The following USP35 variants were observed in gnomAD, a reference collection of about 807,000 sequenced individuals.
USP35 encodes the protein ubiquitin carboxyl-terminal hydrolase 35.
USP35 carries 69 observed loss-of-function variants against 83.8 expected under a neutral mutation model. The observed-to-expected ratio is 0.82, with a 90% CI of 0.68 to 1.01. The LOEUF (loss-of-function observed/expected upper bound fraction) is 1.01. Among genes scored for constraint, USP35 ranks in the 50% least tolerant of loss-of-function variants. The pLI is 0.00. For synonymous variants in USP35, 714 were observed against 589.5 expected, an observed-to-expected ratio of 1.21 and a Z score of -3.06; for missense variants, 1,503 against 1,362.5, an observed-to-expected ratio of 1.10 and a Z score of -1.62.
the USP35 span, chr11:78,232,017 A>G: frequency 6.6e-6 from 1 of 152,222 alleles, no homozygotes; most frequent in East Asian, 1.9e-4. Flanking sequence ...AGATGAGGCA[A>G]TCTTTGTATC....
In USP35 at chr11:78,198,045, G is replaced by A. The variant is rs374971659; in HGVS notation, c.783G>A (p.Ser261=). Residue 261 remains serine, a synonymous_variant, in exon 3 of 11, where the codon TCG becomes TCA. Transcript: ENST00000529308. ...NLSNDDSVTD[S]QMLTAISRMI... ...GCAATGATGACAGTGTGACAGACTC[G>A]CAGATGCTGACTGCCATTAGCAGGT... The A allele has an allele frequency of 1.5e-5, 25 of 1,614,076 alleles. No individual in the cohort carries two copies. Among genetic ancestry groups the A allele is most frequent in the Admixed American group, 5.0e-5 (3 of 60,004 alleles).
chr11:78,198,291 A>C (rs1032455011), intron 3 of USP35, among the ~76,000 whole-genome samples: 6 of 152,210 alleles, frequency 3.9e-5, no homozygotes, highest in African/African-American at 1.4e-4. Flanking sequence ...CTGTCAGGCC[A>C]GGTACCAGCA....
the USP35 span, among the ~76,000 whole-genome samples, chr11:78,232,517 T>G: frequency 2.0e-5 from 3 of 152,216 alleles, no homozygotes; most frequent in Admixed American, 2.0e-4. Context: ...AGTTCAAAAC[T>G]CTTTCCGTTG....
chr11:78,221,843 C>A, the USP35 span: 1 of 1,148,650 alleles, frequency 8.7e-7, no homozygotes, highest in South Asian at 1.3e-5. Context: ...TTTCTAGCCT[C>A]CAGCTGGGCC....
the USP35 span, chr11:78,223,358 G>T: frequency 7.1e-7 from 1 of 1,413,616 alleles, no homozygotes; most frequent in Non-Finnish European, 9.4e-7. Flanking sequence ...TAAGCAAATG[G>T]AAAGAGTCCC....
intron 6 of USP35, among the ~76,000 whole-genome samples, chr11:78,202,664 C>G (rs574248732): frequency 6.6e-6 from 1 of 152,330 alleles, no homozygotes; most frequent in South Asian, 2.1e-4. Context: ...GTTTTTCAAA[C>G]TTAACACGAG....
chr11:78,198,717 A>AGGTAAGTTGC (rs1207207059), intron 3 of USP35: 13 of 984,878 alleles, frequency 1.3e-5, no homozygotes, highest in African/African-American at 1.7e-5. Context: ...TGGGCTCTCG[A>AGGTAAGTTGC]GGTAAGTTGC....
the USP35 span, among the ~76,000 whole-genome samples, chr11:78,221,127 T>C: frequency 1.3e-5 from 2 of 152,236 alleles, no homozygotes; most frequent in African/African-American, 2.4e-5. Context: ...GGAAGTCTTA[T>C]TCTAATGAGA....
the USP35 span, chr11:78,223,273 TAAG>T: frequency 1.6e-6 from 1 of 638,178 alleles, no homozygotes. Context: ...ATTTCACAGA[TAAG>T]AAAACTGAGA....
the USP35 span, among the ~76,000 whole-genome samples, chr11:78,236,952 T>C: frequency 6.6e-6 from 1 of 152,228 alleles, no homozygotes; most frequent in South Asian, 2.1e-4. Flanking sequence ...GCTAATCCTT[T>C]GTTTTTAAAG....
In USP35 at chr11:78,214,891, T is replaced by G. The variant is rs1005890353; in HGVS notation, c.*1078T>G. Among the ~76,000 whole-genome samples, 16 of 150,366 alleles carry G rather than the reference T, an allele frequency of 1.1e-4. No homozygotes were observed. The highest frequency in any genetic ancestry group is 3.8e-4 in the African/African-American group (15 of 39,836). On this transcript the variant is annotated 3_prime_UTR_variant, in exon 11 of 11. Coordinates refer to ENST00000529308, the MANE Select transcript of USP35 (RefSeq NM_020798.4). The stretch of plus-strand genomic sequence containing the variant: ...AAACGTGTGGACTGACTGACTTACT[T>G]ACCTTACTGAGGGCTGGGTGATGCT...
In USP35 at chr11:78,196,420, C is replaced by T. The variant is rs764281675; in HGVS notation, c.175C>T (p.Arg59Cys). 3.7e-5 allele frequency: 48 copies of T among 1,294,522 alleles called. 1 individual carries two copies. In the African/African-American group the frequency reaches 6.7e-4, roughly 18 times the overall value. The allele number at this position is 1,294,522 out of a possible 1,614,324, so 80.2% of individuals were successfully genotyped here. ...YVGGAEELPR[R>C]VGCQLLHVAG... Reference sequence around the variant, plus strand: ...GGGCGGCGCGGAGGAGCTGCCGCGCCGCGTGGGCTGCCAGCTGCTGCACGT... The same window carrying T: ...GGGCGGCGCGGAGGAGCTGCCGCGCTGCGTGGGCTGCCAGCTGCTGCACGT... The change falls in exon 2 of 11, where the codon CGC becomes TGC. Residue 59 changes from arginine to cysteine, a missense_variant. Arg to Cys is a radical substitution (Grantham distance 180, BLOSUM62 -3). Transcript: ENST00000529308. This position sits in a 1 kb window ranked among gnomAD's most constrained non-coding sequence, Gnocchi z 4.8.
At chr11:78,191,805 G>A (rs1035756982) in intron 1 of USP35, among the ~76,000 whole-genome samples, 1 of 151,768 alleles carries the variant, frequency 6.6e-6, no homozygotes, top group Middle Eastern at 3.4e-3. Flanking sequence ...AGTGCCAGGT[G>A]GCCCAAAAAT....
Position 78,207,511 on chromosome 11 carries a change from C to A in USP35, c.1392-19C>A, listed in dbSNP as rs1226308874. On this transcript the variant is annotated intron_variant, in intron 7 of 10. Coordinates refer to ENST00000529308, the MANE Select transcript of USP35 (RefSeq NM_020798.4). ...GGGGGCCCATGGCTTACCCTGGGTGCCCCTGCTTTGTTTTGAAGCTTCAGA... is the reference window on the plus strand; with the variant it reads ...GGGGGCCCATGGCTTACCCTGGGTGACCCTGCTTTGTTTTGAAGCTTCAGA... The A allele has an allele frequency of 6.2e-7, 1 of 1,613,158 alleles. No individual in the cohort carries two copies. The highest frequency in any genetic ancestry group is 8.5e-7 in the Non-Finnish European group (1 of 1,179,684).
In USP35 at chr11:78,210,757, G is replaced by T. The variant is rs370176522; in HGVS notation, c.2889+13G>T. On this transcript the variant is annotated intron_variant, in intron 10 of 10. Transcript: ENST00000529308. Reference sequence around the variant, plus strand: ...CCTTTACCTACAGGTGAGCTGAGCCGTGGGGCCTTTGATCTGATCTCTTGG... The same window carrying T: ...CCTTTACCTACAGGTGAGCTGAGCCTTGGGGCCTTTGATCTGATCTCTTGG... 1 of 1,521,364 alleles carries T rather than the reference G, an allele frequency of 6.6e-7. No individual in the cohort carries two copies. Among genetic ancestry groups the T allele is most frequent in the African/African-American group, 1.4e-5 (1 of 72,230 alleles). The allele number at this position is 1,521,364 out of a possible 1,614,324, so 94.2% of individuals were successfully genotyped here.
At chr11:78,213,169 G>A (rs1590921581) in intron 10 of USP35, among the ~76,000 whole-genome samples, 1 of 152,260 alleles carries the variant, frequency 6.6e-6, no homozygotes, top group African/African-American at 2.4e-5. Context: ...AGCCCAGGGA[G>A]GGGCCTGAGG....
intron 8 of USP35, 139 bp from the exon 9 acceptor site, chr11:78,208,718 A>G: frequency 2.3e-6 from 2 of 885,000 alleles, no homozygotes; most frequent in Non-Finnish European, 3.6e-6. Context: ...GACAATAGAA[A>G]AGCGGGGAGG....
chr11:78,233,357 C>A, the USP35 span, among the ~76,000 whole-genome samples: 3 of 152,110 alleles, frequency 2.0e-5, no homozygotes, highest in Admixed American at 1.3e-4. Context: ...TTATTTTAGC[C>A]CTTCCAGCAG....
intron 3 of USP35, chr11:78,199,283 T>C (rs1173870952): frequency 3.0e-6 from 1 of 334,134 alleles, no homozygotes; most frequent in Non-Finnish European, 5.7e-6. Context: ...CCAGGGGCAG[T>C]GCCCTTCCAG....
Sources: gnomAD v4.1 joint callset for allele counts (sites outside exome capture counted in the v4.1 genomes callset) on GRCh38, gnomAD v4.1.1 for gene constraint, Gnocchi (gnomAD v3.1) non-coding constraint, MANE v1.5 for transcripts, NCBI Gene and HGNC (gene_info 2026-07-23, HGNC 2026-07-21) for gene names.